The following MMS19 variants were observed in gnomAD, a reference collection of about 807,000 sequenced individuals.
The protein encoded by MMS19 is MMS19 cytosolic iron-sulfur assembly component.
Under a neutral mutation model 129.8 loss-of-function variants are expected in MMS19, and 77 were observed. That is an observed-to-expected ratio of 0.59 (90% CI 0.49 to 0.72). The LOEUF (loss-of-function observed/expected upper bound fraction) is 0.72. Ranked by LOEUF, MMS19 falls within the 30% of genes least tolerant of loss-of-function variation. The pLI is 0.00. For missense variants in MMS19, 1,168 were observed against 1,266.3 expected (o/e 0.92, Z 1.18); for synonymous variants, 491 against 502.8 (o/e 0.98, Z 0.31).
chr10:97,480,154 G>T, intron 3 of MMS19: 1 of 376,396 alleles, frequency 2.7e-6, no homozygotes, highest in African/African-American at 2.1e-5. Flanking sequence ...TTTTTTGCCG[G>T]CTATGTGAAT....
In MMS19 at chr10:97,464,808, C is replaced by A. The variant is rs147222667; in HGVS notation, c.1757-795G>T. On this transcript the variant is annotated intron_variant, in intron 18 of 30. Transcript: ENST00000438925. ...TGCCTCCCGGGCTCAAAGTGATTCTCCTGCCTTAGCCTCCCAAGTAGCTGG... is the reference window on the plus strand; with the variant it reads ...TGCCTCCCGGGCTCAAAGTGATTCTACTGCCTTAGCCTCCCAAGTAGCTGG... 7.4e-3 allele frequency among the ~76,000 whole-genome samples: 1,122 copies of A among 151,886 alleles called. 5 individuals carry two copies. Among genetic ancestry groups the A allele is most frequent in the South Asian group, 9.0e-3 (43 of 4,804 alleles).
chr10:97,492,837 C>A (rs113078800), intron 1 of MMS19, among the ~76,000 whole-genome samples: 281 of 128,754 alleles, frequency 2.2e-3, no homozygotes, highest in Middle Eastern at 8.8e-3. Flanking sequence ...CCAGCCTGGG[C>A]AACAGAGCAA....
At position 97,460,999 on chromosome 10, in the gene MMS19, G is replaced by A; in HGVS notation, c.2320C>T (p.Leu774=). The A allele has an allele frequency of 1.3e-6, 2 of 1,558,690 alleles. No individual in the cohort carries two copies. The highest frequency in any genetic ancestry group is 1.7e-6 in the Non-Finnish European group (2 of 1,150,092). The change falls in exon 24 of 31, where the codon CTG becomes TTG. Residue 774 remains leucine, a synonymous_variant. Coordinates refer to ENST00000438925, the MANE Select transcript of MMS19 (RefSeq NM_022362.5). ...LLNKHPAGQQ[L]DEFLQLAVDK... is the part of the protein sequence containing the mutation. ...ACAGCTAGCTGTAGGAATTCATCCA[G>A]CTGCTGCCCTAAAAAGGAGAGAGGA...
intron 8 of MMS19, among the ~76,000 whole-genome samples, chr10:97,474,291 C>T (rs534999148): frequency 3.3e-5 from 5 of 152,080 alleles, no homozygotes; most frequent in African/African-American, 1.2e-4. Context: ...ACGTGTAATC[C>T]CAGCACTTTG....
rs745994289 is a variant in MMS19 at position 97,466,589 on chromosome 10, T to C, written c.1424-4A>G. 6.2e-7 allele frequency: 1 copy of C among 1,611,136 alleles called. No individual in the cohort carries two copies. Among genetic ancestry groups the C allele is most frequent in the Non-Finnish European group, 8.5e-7 (1 of 1,177,284 alleles). ...AAGTCCTCATAAGATAGGAGATCTG[T>C]AGTTAGAAGGGAACATGAATCTCAT... On this transcript the variant is annotated splice_polypyrimidine_tract_variant and splice_region_variant and intron_variant, in intron 15 of 30. Coordinates refer to ENST00000438925, the MANE Select transcript of MMS19 (RefSeq NM_022362.5).
At chr10:97,466,308 A>G in intron 16 of MMS19, 149 bp from the exon 17 acceptor site, 1 of 777,298 alleles carries the variant, frequency 1.3e-6, no homozygotes, top group Non-Finnish European at 2.1e-6. Context: ...TGAGTTGGAC[A>G]GGGCTTCTTA....
intron 26 of MMS19, 71 bp downstream of exon 26, chr10:97,459,975 A>G: frequency 1.3e-6 from 2 of 1,515,262 alleles, no homozygotes; most frequent in East Asian, 2.3e-5. Context: ...CGGGCCCTAA[A>G]TTATCTTAGG....
intron 29 of MMS19, 59 bp downstream of exon 29, chr10:97,459,164 G>GGTACTTAT: frequency 1.3e-6 from 2 of 1,538,324 alleles, no homozygotes; most frequent in Non-Finnish European, 1.8e-6. Context: ...AAGGCAAAAA[G>GGTACTTAT]GTACTTATGT....
intron 19 of MMS19, among the ~76,000 whole-genome samples, chr10:97,463,171 T>G (rs2032525070): frequency 6.6e-6 from 1 of 151,306 alleles, no homozygotes; most frequent in Non-Finnish European, 1.5e-5. Flanking sequence ...CAGTTTTTTT[T>G]TTTTTTTTTT....
chr10:97,469,212 C>T (rs1486949674), intron 11 of MMS19, 108 bp from the exon 12 acceptor site: 1 of 1,380,626 alleles, frequency 7.2e-7, no homozygotes. Context: ...ACCTCTAGGA[C>T]ACAGAAATGG....
chr10:97,477,804 T>C (rs1371354324), intron 5 of MMS19, 51 bp downstream of exon 5: 34 of 1,326,986 alleles, frequency 2.6e-5, no homozygotes, highest in Non-Finnish European at 3.3e-5. Context: ...ATCCCAGTTA[T>C]GTCAAGGGGT....
chr10:97,483,509 A>G (rs1478866419), intron 2 of MMS19, among the ~76,000 whole-genome samples: 2 of 152,242 alleles, frequency 1.3e-5, no homozygotes, highest in Non-Finnish European at 2.9e-5. Flanking sequence ...TGCTGTCACA[A>G]TTAACAACTC....
At chr10:97,461,744 G>T in intron 22 of MMS19, 84 bp downstream of exon 22, 1 of 1,545,670 alleles carries the variant, frequency 6.5e-7, no homozygotes, top group Non-Finnish European at 8.8e-7. Context: ...GGAAGTAAAA[G>T]ATCAGCTTAG....
intron 2 of MMS19, among the ~76,000 whole-genome samples, chr10:97,482,733 T>TAG: frequency 8.7e-6 from 1 of 114,334 alleles, no homozygotes; most frequent in African/African-American, 3.3e-5. Flanking sequence ...TGTGTGTATA[T>TAG]ATATACACAC....
intron 1 of MMS19, among the ~76,000 whole-genome samples, chr10:97,486,774 A>G (rs370434362): frequency 9.3e-5 from 14 of 150,576 alleles, no homozygotes; most frequent in African/African-American, 3.4e-4. Flanking sequence ...AATTTCCCAA[A>G]TCAATCTGTA....
chr10:97,462,169 C>T (rs1279595004), intron 20 of MMS19, 50 bp from the exon 21 acceptor site: 2 of 1,331,702 alleles, frequency 1.5e-6, no homozygotes, highest in Admixed American at 2.0e-5. Flanking sequence ...TCTAAAGCAG[C>T]CCTCTCCTCC....
chr10:97,479,814 AT>A (rs1203275545), intron 3 of MMS19, among the ~76,000 whole-genome samples: 1 of 152,100 alleles, frequency 6.6e-6, no homozygotes, highest in Non-Finnish European at 1.5e-5. Flanking sequence ...AAAACCCCCA[AT>A]AAACCTTGAA....
chr10:97,462,789 C>T (rs577401636), intron 19 of MMS19, 107 bp from the exon 20 acceptor site: 33 of 814,914 alleles, frequency 4.0e-5, no homozygotes, highest in South Asian at 9.3e-5. Context: ...ACTCTAGCCA[C>T]GACAGCAGTT....
Position 97,460,355 on chromosome 10 carries a change from G to T in MMS19, c.2470-123C>A, listed in dbSNP as rs146087714. 4.5e-4 allele frequency: 393 copies of T among 866,470 alleles called. 5 individuals carry two copies. In the East Asian group the frequency reaches 0.01, roughly 22 times the overall value. The allele number at this position is 866,470 out of a possible 1,614,324, so 53.7% of individuals were successfully genotyped here. On this transcript the variant is annotated intron_variant, in intron 25 of 30. Coordinates refer to ENST00000438925, the MANE Select transcript of MMS19 (RefSeq NM_022362.5). Reference sequence around the variant, plus strand: ...CTAGCACTTTGGGAGGCCAAGGCAGGTGGACTGCTTGAGTCTAGGAGTCTG... The same window carrying T: ...CTAGCACTTTGGGAGGCCAAGGCAGTTGGACTGCTTGAGTCTAGGAGTCTG...
Sources: gnomAD v4.1 joint callset for allele counts (sites outside exome capture counted in the v4.1 genomes callset) on GRCh38, gnomAD v4.1.1 for gene constraint, MANE v1.5 for transcripts, NCBI Gene and HGNC (gene_info 2026-07-23, HGNC 2026-07-21) for gene names.